Variants in EFHC2 observed in about 807,000 individuals in gnomAD.
EFHC2 encodes the protein EF-hand domain containing 2, also known as EF-hand domain-containing family member C2.
A neutral mutation model predicts 52.7 loss-of-function variants in EFHC2; 18 were observed. That is an observed-to-expected ratio of 0.34 (90% confidence interval 0.24 to 0.51). The LOEUF is 0.51. Ranked by LOEUF, EFHC2 falls within the 20% of genes least tolerant of loss-of-function variation. EFHC2 has a pLI of 0.97. For missense variants in EFHC2, 513 were observed against 562.5 expected, an observed-to-expected ratio of 0.91 and a Z score of 0.89; for synonymous variants, 203 against 204.1, an observed-to-expected ratio of 0.99 and a Z score of 0.04.
At chrX:44,233,260 G>A (rs984817691) in intron 9 of EFHC2, among the ~76,000 whole-genome samples, 6 of 111,933 alleles carry the variant, frequency 5.4e-5, no homozygotes, top group East Asian at 2.8e-4. Flanking sequence ...TTAATCTGAC[G>A]TGCAGATTAG....
chrX:44,168,307 C>T (rs1275669126), intron 13 of EFHC2, among the ~76,000 whole-genome samples: 5 of 111,465 alleles, frequency 4.5e-5, no homozygotes, highest in East Asian at 2.8e-4. Flanking sequence ...CCGAGGTGGG[C>T]GGATCACGAG....
intron 14 of EFHC2, among the ~76,000 whole-genome samples, chrX:44,152,965 A>T (rs1181979397): frequency 3.6e-5 from 4 of 112,050 alleles, no homozygotes; most frequent in African/African-American, 1.3e-4. Flanking sequence ...AAAAGTTTTC[A>T]ACACAGAAAT....
intron 10 of EFHC2, 72 bp from the exon 11 acceptor site, chrX:44,229,851 G>A (rs2037262120): frequency 9.8e-7 from 1 of 1,017,015 alleles, no homozygotes; most frequent in Non-Finnish European, 1.3e-6. Context: ...TCTTGCTGAT[G>A]GCCAGCAAAG....
chrX:44,177,040 A>C (rs1289709627), intron 12 of EFHC2, among the ~76,000 whole-genome samples: 2 of 112,294 alleles, frequency 1.8e-5, no homozygotes, highest in Non-Finnish European at 3.8e-5. Flanking sequence ...TGCAATGAGA[A>C]TGTTTATATC....
chrX:44,152,729 C>A (rs965608844), intron 14 of EFHC2, among the ~76,000 whole-genome samples: 43 of 79,172 alleles, frequency 5.4e-4, no homozygotes, highest in Non-Finnish European at 8.5e-4. Flanking sequence ...AACCATTACA[C>A]ACACACACAC....
At chrX:44,310,027 G>A (rs891711814) in intron 2 of EFHC2, 9 of 942,753 alleles carry the variant, frequency 9.5e-6, no homozygotes, top group African/African-American at 1.9e-5. Context: ...TGAACTATTT[G>A]GCTAAATCGC....
chrX:44,261,271 G>A lies in EFHC2; in HGVS notation c.410C>T (p.Thr137Ile). 1.7e-6 allele frequency: 2 copies of A among 1,194,680 alleles called. No individual in the cohort carries two copies. The highest frequency in any genetic ancestry group is 2.3e-6 in the Non-Finnish European group (2 of 885,265). The change falls in exon 4 of 15, where the codon ACT becomes ATT. Residue 137 changes from threonine (T) to isoleucine (I), a missense_variant. Coordinates refer to ENST00000420999, the MANE Select transcript of EFHC2 (RefSeq NM_025184.4). Reference sequence around the variant, plus strand: ...CTGATCCTCATCAGGAGGCGGAAGAGTAATCCGATGACGCCGGATAGAAGT... The same window carrying A: ...CTGATCCTCATCAGGAGGCGGAAGAATAATCCGATGACGCCGGATAGAAGT... ...QGTSIRRHRITLPPPDEDQFY... is the reference protein window; with the variant it reads ...QGTSIRRHRIILPPPDEDQFY...
At chrX:44,291,063 A>G (rs1160310423) in intron 2 of EFHC2, among the ~76,000 whole-genome samples, 1 of 112,229 alleles carries the variant, frequency 8.9e-6, no homozygotes, top group Non-Finnish European at 1.9e-5. Flanking sequence ...AGTTTGCAAC[A>G]TGAAGGTGGA....
chrX:44,235,167 A>G, intron 9 of EFHC2, 138 bp downstream of exon 9: 1 of 495,228 alleles, frequency 2.0e-6, no homozygotes, highest in Non-Finnish European at 3.0e-6. Context: ...AAAGAACCCT[A>G]TTGTTCAGGG....
intron 11 of EFHC2, among the ~76,000 whole-genome samples, chrX:44,202,222 T>C (rs747461959): frequency 6.3e-5 from 7 of 111,737 alleles, no homozygotes; most frequent in Admixed American, 5.7e-4. Flanking sequence ...AAGACCAGCC[T>C]GGCAAGATGG....
intron 2 of EFHC2, among the ~76,000 whole-genome samples, chrX:44,293,435 T>A (rs2037806813): frequency 9.0e-6 from 1 of 111,226 alleles, no homozygotes; most frequent in African/African-American, 3.3e-5. Context: ...AGCAATGTCA[T>A]CTTCATCATC....
chrX:44,222,555 G>A (rs1274780463), intron 11 of EFHC2, among the ~76,000 whole-genome samples: 3 of 111,595 alleles, frequency 2.7e-5, no homozygotes, highest in East Asian at 2.8e-4. Context: ...CAAGCGTAGG[G>A]GAGGGCTTTG....
At chrX:44,240,874 G>A (rs2037354313) in intron 8 of EFHC2, among the ~76,000 whole-genome samples, 1 of 111,514 alleles carries the variant, frequency 9.0e-6, no homozygotes, top group Non-Finnish European at 1.9e-5. Flanking sequence ...CTTAAAAATA[G>A]AACCCTAAAA....
rs1472825596 is a variant in EFHC2 at position 44,230,492 on chromosome X, G to A, written c.1621-713C>T. Among the ~76,000 whole-genome samples, 5 of 111,389 alleles carry A rather than the reference G, an allele frequency of 4.5e-5. No homozygotes were observed. In the South Asian group the frequency reaches 1.5e-3, roughly 34 times the overall value. On this transcript the variant is annotated intron_variant, in intron 10 of 14. Transcript: ENST00000420999. ...TGATCCAGGTGGTTTGGCACCTATC[G>A]CAGACCCCTACTCCTCCCACTTTTT...
intron 2 of EFHC2, among the ~76,000 whole-genome samples, chrX:44,305,743 C>G (rs1195060929): frequency 1.8e-5 from 2 of 112,038 alleles, no homozygotes; most frequent in Non-Finnish European, 3.8e-5. Flanking sequence ...AGAGAGGCAG[C>G]CTGGGCCTTA....
intron 11 of EFHC2, among the ~76,000 whole-genome samples, chrX:44,194,205 T>C (rs1025871977): frequency 1.8e-5 from 2 of 109,635 alleles, no homozygotes; most frequent in African/African-American, 6.7e-5. Context: ...TCCCAGAATA[T>C]GAAGTAGGAG....
intron 2 of EFHC2, chrX:44,309,541 A>G: frequency 7.5e-6 from 9 of 1,199,905 alleles, no homozygotes; most frequent in South Asian, 1.8e-5. Context: ...ATTCATCCCA[A>G]TGAGCTTCAC....
intron 13 of EFHC2, among the ~76,000 whole-genome samples, chrX:44,166,957 T>C (rs759194505): frequency 8.9e-6 from 1 of 112,077 alleles, no homozygotes; most frequent in South Asian, 3.8e-4. Context: ...TACTCTTACC[T>C]AGCAGCAGAC....
chrX:44,174,565 G>A (rs1242275540), intron 13 of EFHC2, among the ~76,000 whole-genome samples: 2 of 102,540 alleles, frequency 2.0e-5, no homozygotes, highest in African/African-American at 7.2e-5. Context: ...AATGGGTCTT[G>A]AAGGAAGAGC....
Sources: allele counts gnomAD v4.1 joint callset (sites outside exome capture counted in the v4.1 genomes callset), GRCh38; gene constraint gnomAD v4.1.1; transcripts MANE v1.5; gene names NCBI Gene and HGNC (gene_info 2026-07-23, HGNC 2026-07-21).